The following CHD9 variants were observed in gnomAD, a reference collection of about 807,000 sequenced individuals.
CHD9 encodes chromodomain helicase DNA binding protein 9.
In CHD9, 77 loss-of-function variants were observed where a neutral mutation model predicts 316.1. The observed-to-expected ratio is 0.24, with a 90% CI of 0.20 to 0.29. The LOEUF (loss-of-function observed/expected upper bound fraction) is 0.29. Ranked by LOEUF, CHD9 falls within the 10% of genes least tolerant of loss-of-function variation. The pLI is 1.00. For synonymous variants in CHD9, 1,129 were observed against 1,158.3 expected, an observed-to-expected ratio of 0.97 and a Z score of 0.51; for missense variants, 2,763 against 3,438.1, an observed-to-expected ratio of 0.80 and a Z score of 4.91.
At chr16:53,056,448 G>C (rs185010398) in intron 1 of CHD9, among the ~76,000 whole-genome samples, 2 of 152,330 alleles carry the variant, frequency 1.3e-5, no homozygotes, top group East Asian at 1.9e-4. Context: ...TTCCACGGTA[G>C]AACTATGAAT....
At chr16:53,319,204 GA>G (rs1409344690) in intron 37 of CHD9, among the ~76,000 whole-genome samples, 1 of 152,042 alleles carries the variant, frequency 6.6e-6, no homozygotes, top group Non-Finnish European at 1.5e-5. Context: ...AAATAATTAG[GA>G]AAGAAAAAAT....
intron 2 of CHD9, among the ~76,000 whole-genome samples, chr16:53,164,266 A>C (rs2042119525): frequency 6.6e-6 from 1 of 152,214 alleles, no homozygotes; most frequent in Admixed American, 6.5e-5. Context: ...CAATGCCAAA[A>C]GAAAACAAAC....
intron 1 of CHD9, among the ~76,000 whole-genome samples, chr16:53,097,802 T>C (rs1411885746): frequency 6.6e-6 from 1 of 152,226 alleles, no homozygotes; most frequent in Non-Finnish European, 1.5e-5. Flanking sequence ...TTGACGATAT[T>C]ATTTTGATTT....
intron 10 of CHD9, among the ~76,000 whole-genome samples, chr16:53,234,901 T>C (rs1461913208): frequency 3.9e-5 from 6 of 152,156 alleles, no homozygotes. Context: ...TTATGAATAT[T>C]TGCATCTTTG....
intron 7 of CHD9, among the ~76,000 whole-genome samples, chr16:53,227,941 C>T (rs934489980): frequency 6.6e-6 from 1 of 152,056 alleles, no homozygotes; most frequent in Middle Eastern, 3.4e-3. Flanking sequence ...AAAAAATTAG[C>T]TTGGTGTGGT....
intron 1 of CHD9, among the ~76,000 whole-genome samples, chr16:53,061,312 T>C (rs2032876973): frequency 6.6e-6 from 1 of 152,164 alleles, no homozygotes; most frequent in Non-Finnish European, 1.5e-5. Flanking sequence ...ATTTGAGTCT[T>C]TACCTGACCT....
intron 27 of CHD9, among the ~76,000 whole-genome samples, chr16:53,288,624 G>A (rs182505848): frequency 1.3e-5 from 2 of 152,314 alleles, no homozygotes; most frequent in East Asian, 3.9e-4. Flanking sequence ...GGGGCTTGAT[G>A]CCTTGATGAG....
intron 2 of CHD9, among the ~76,000 whole-genome samples, chr16:53,197,304 A>G (rs1315937664): frequency 6.6e-6 from 1 of 152,156 alleles, no homozygotes; most frequent in African/African-American, 2.4e-5. Flanking sequence ...CATTGCACAA[A>G]TGTTAATTTT....
Position 53,304,464 on chromosome 16 carries a change from C to T in CHD9, c.6458C>T (p.Ser2153Phe). The change falls in exon 31 of 39, where the codon TCC becomes TTC. Residue 2153 changes from serine (S) to phenylalanine (F), a missense_variant. Ser to Phe is a radical substitution (Grantham distance 155). Transcript: ENST00000447540. The part of the protein sequence containing the change: ...CSSRSSSSSS[S>F]SSCSHSRSGS... Reference sequence around the variant, plus strand: ...TCCAGATCATCTTCTTCCTCATCATCCTCTTCTTGCTCCCACTCTCGATCA... The same window carrying T: ...TCCAGATCATCTTCTTCCTCATCATTCTCTTCTTGCTCCCACTCTCGATCA... 6.4e-7 allele frequency: 1 copy of T among 1,568,468 alleles called. No individual in the cohort carries two copies. Among genetic ancestry groups the T allele is most frequent in the Non-Finnish European group, 8.6e-7 (1 of 1,156,734 alleles).
intron 11 of CHD9, among the ~76,000 whole-genome samples, chr16:53,237,705 A>G (rs893303173): frequency 1.3e-5 from 2 of 152,192 alleles, no homozygotes; most frequent in Non-Finnish European, 2.9e-5. Context: ...AGCCTCCATA[A>G]TAAACCATAC....
chr16:53,187,409 G>A (rs574906084), intron 2 of CHD9, among the ~76,000 whole-genome samples: 2 of 152,140 alleles, frequency 1.3e-5, no homozygotes, highest in South Asian at 4.1e-4. Flanking sequence ...AGGAGGCTGA[G>A]GTGAGATGAT....
chr16:53,231,637 T>C lies in CHD9; in HGVS notation c.2374-10T>C. ...TTTTCAAAATGGTAAATGAAAAAAT[T>C]TTTTTACAGCCTGTTATTTACTACT... On this transcript the variant is annotated splice_polypyrimidine_tract_variant and intron_variant, in intron 9 of 38. Transcript: ENST00000447540. 6.4e-7 allele frequency: 1 copy of C among 1,557,378 alleles called. No individual in the cohort carries two copies.
intron 29 of CHD9, among the ~76,000 whole-genome samples, chr16:53,296,422 T>A (rs1214455174): frequency 6.7e-6 from 1 of 150,058 alleles, no homozygotes; most frequent in Non-Finnish European, 1.5e-5. Context: ...TGTCCTTAAC[T>A]ATTAAAAGTA....
intron 19 of CHD9, among the ~76,000 whole-genome samples, chr16:53,257,480 T>C (rs577950861): frequency 1.3e-5 from 2 of 152,320 alleles, no homozygotes; most frequent in South Asian, 4.1e-4. Flanking sequence ...GAAATAATGA[T>C]GGGTGAACCA....
At chr16:53,194,075 A>G (rs1416588165) in intron 2 of CHD9, among the ~76,000 whole-genome samples, 1 of 152,080 alleles carries the variant, frequency 6.6e-6, no homozygotes, top group Non-Finnish European at 1.5e-5. Context: ...TTTAGGTAAA[A>G]TATGTCTAAG....
At chr16:53,244,549 A>C (rs1487223386) in intron 13 of CHD9, among the ~76,000 whole-genome samples, 1 of 152,158 alleles carries the variant, frequency 6.6e-6, no homozygotes, top group African/African-American at 2.4e-5. Context: ...GTGATTTGAT[A>C]ATTCATTCAT....
chr16:53,320,752 CA>C (rs1567688135), intron 37 of CHD9, among the ~76,000 whole-genome samples: 2 of 152,050 alleles, frequency 1.3e-5, no homozygotes, highest in African/African-American at 4.8e-5. Context: ...CATATTATTA[CA>C]TTTTTTTCCA....
intron 30 of CHD9, chr16:53,298,392 A>T (rs2153068166): frequency 6.5e-6 from 1 of 152,976 alleles, no homozygotes; most frequent in East Asian, 1.9e-4. Flanking sequence ...TCATGCCTGT[A>T]ATCCCAGCAC....
chr16:53,255,265 C>T (rs2050494050), intron 18 of CHD9, among the ~76,000 whole-genome samples: 1 of 152,112 alleles, frequency 6.6e-6, no homozygotes, highest in Non-Finnish European at 1.5e-5. Context: ...GCTGTGTTTA[C>T]ACCACTGCAC....
Sources: gnomAD v4.1 joint callset for allele counts (sites outside exome capture counted in the v4.1 genomes callset) on GRCh38, gnomAD v4.1.1 for gene constraint, MANE v1.5 for transcripts, NCBI Gene and HGNC (gene_info 2026-07-23, HGNC 2026-07-21) for gene names.